TTYH3: variants seen among roughly 807,000 people sequenced by gnomAD.
TTYH3 encodes the protein protein tweety homolog 3.
TTYH3 carries 23 observed loss-of-function variants against 68.2 expected under a neutral mutation model. The ratio of observed to expected loss-of-function variants is 0.34; its 90% CI spans 0.24 to 0.48. The LOEUF (loss-of-function observed/expected upper bound fraction) is 0.48, where lower values mean the gene tolerates loss of function less well. Ranked by LOEUF, TTYH3 falls within the 20% of genes least tolerant of loss-of-function variation. The probability of loss-of-function intolerance (pLI) is 0.99; values close to 1 mark genes in which losing one functional copy is unlikely to be tolerated. For synonymous variants in TTYH3, 360 were observed against 332.8 expected (o/e 1.08, Z -0.89); for missense variants, 768 against 727.7 (o/e 1.06, Z -0.64).
At chr7:2,648,966 GTGGGGTGTGGGGCCTGCAC>G (rs1286829642) in intron 5 of TTYH3, among the ~76,000 whole-genome samples, 1 of 151,014 alleles carries the variant, frequency 6.6e-6, no homozygotes, top group Non-Finnish European at 1.5e-5. Flanking sequence ...GGGGCCCGCA[GTGGGGTGTGGGGCCTGCAC>G]TGGGGTGTGT....
At chr7:2,635,019 G>T (rs992803817) in intron 1 of TTYH3, among the ~76,000 whole-genome samples, 3 of 152,122 alleles carry the variant, frequency 2.0e-5, no homozygotes, top group African/African-American at 7.2e-5. Context: ...TCTGGGGTCG[G>T]CTCTGTGCAG....
At position 2,652,995 on chromosome 7, in the gene TTYH3, G is replaced by A. The variant is rs922437879; in HGVS notation, c.1005G>A (p.Glu335=). ...VAELLRTVPW[E]QPATKDPLLR... ...AGCTTCTGAGGACCGTCCCCTGGGA[G>A]CAGCCGGCCACTAAGGTGAGGGGCT... Residue 335 remains glutamate (E), a synonymous_variant, in exon 9 of 14, where the codon GAG becomes GAA. Coordinates refer to ENST00000258796, the MANE Select transcript of TTYH3 (RefSeq NM_025250.3). 3.2e-6 allele frequency: 5 copies of A among 1,571,992 alleles called. No homozygotes were observed. The highest frequency in any genetic ancestry group is 1.9e-5 in the Admixed American group (1 of 52,008).
At position 2,647,409 on chromosome 7, in the gene TTYH3, C is replaced by T; in HGVS notation, c.406-9C>T. ...CGCTCCCAGCCTCACGCCCGCGGGT[C>T]CGGCGCAGGTGTGGGACACGGCGGT... is the stretch of plus-strand genomic sequence containing the variant. On this transcript the variant is annotated splice_polypyrimidine_tract_variant and intron_variant, in intron 3 of 13. Transcript: ENST00000258796. 1.3e-6 allele frequency: 2 copies of T among 1,485,852 alleles called. No individual in the cohort carries two copies. Among genetic ancestry groups the T allele is most frequent in the East Asian group, 2.5e-5 (1 of 39,848 alleles). The allele number at this position is 1,485,852 out of a possible 1,614,324, so 92.0% of individuals were successfully genotyped here. A position where few individuals can be genotyped will look rare whatever the true frequency, so the allele number is the denominator to read the frequency against.
Position 2,643,897 on chromosome 7 carries a change from C to T in TTYH3, c.124-2956C>T, listed in dbSNP as rs1358457086. Among the ~76,000 whole-genome samples the T allele has an allele frequency of 2.0e-5, 3 of 152,292 alleles. No individual in the cohort carries two copies. In the South Asian group the frequency reaches 6.2e-4, roughly 32 times the overall value. On this transcript the variant is annotated intron_variant, in intron 1 of 13. Coordinates refer to ENST00000258796, the MANE Select transcript of TTYH3 (RefSeq NM_025250.3). Reference sequence around the variant, plus strand: ...CCTCACCCCAGGAGGAGTTTCCCTGCGAGGCTGTGAGTCCCAGATGTGGGG... The same window carrying T: ...CCTCACCCCAGGAGGAGTTTCCCTGTGAGGCTGTGAGTCCCAGATGTGGGG...
At chr7:2,650,684 GTC>G (rs1343919107) in intron 7 of TTYH3, among the ~76,000 whole-genome samples, 3 of 152,058 alleles carry the variant, frequency 2.0e-5, no homozygotes, top group African/African-American at 4.8e-5. Flanking sequence ...GTGGGGCTGA[GTC>G]TCTGTGGCAA....
rs763590738 is a variant in TTYH3 at position 2,658,313 on chromosome 7, G to T, written c.1278G>T (p.Glu426Asp). The T allele has an allele frequency of 1.3e-6, 2 of 1,596,868 alleles. No homozygotes were observed. The highest frequency in any genetic ancestry group is 2.3e-5 in the East Asian group (1 of 44,324). Residue 426 changes from glutamate to aspartate, a missense_variant, in exon 12 of 14, where the codon GAG becomes GAT. Physicochemically the swap from Glu to Asp is conservative, Grantham distance 45. Transcript: ENST00000258796. ...KRGPDEDGEE[E>D]AAPGPRQAHD... Reference sequence around the variant, plus strand: ...GCCCTGATGAGGACGGGGAGGAGGAGGCCGCTCCAGGGCCGCGGCAGGCGC... The same window carrying T: ...GCCCTGATGAGGACGGGGAGGAGGATGCCGCTCCAGGGCCGCGGCAGGCGC...
intron 1 of TTYH3, among the ~76,000 whole-genome samples, 194 bp downstream of exon 1, chr7:2,632,472 T>C (rs1785548333): frequency 6.6e-6 from 1 of 151,850 alleles, no homozygotes. Context: ...GGACCCTTTC[T>C]TCCAGGGTCA....
At chr7:2,653,831 C>T (rs972877287) in intron 9 of TTYH3, among the ~76,000 whole-genome samples, 15 of 152,286 alleles carry the variant, frequency 9.8e-5, no homozygotes, top group Non-Finnish European at 7.3e-5. Context: ...CCACTGCACT[C>T]CAGCCTGGGC....
At chr7:2,661,619 G>C in intron 13 of TTYH3, 49 bp from the exon 14 acceptor site, 1 of 1,578,082 alleles carries the variant, frequency 6.3e-7, no homozygotes, top group Non-Finnish European at 8.7e-7. Context: ...CCCTGGCTGC[G>C]TGCGCCATGC....
At chr7:2,635,603 T>C (rs1785636984) in intron 1 of TTYH3, among the ~76,000 whole-genome samples, 1 of 152,136 alleles carries the variant, frequency 6.6e-6, no homozygotes, top group Admixed American at 6.5e-5. Context: ...GGAGGTGGTG[T>C]TAACTGGCTT....
rs1347535256 is a variant in TTYH3, at chr7:2,647,502, C to T, written c.490C>T (p.Pro164Ser). The T allele has an allele frequency of 6.5e-7, 1 of 1,540,574 alleles. No homozygotes were observed. ...LERQLAGRPE[P>S]LRAVQRLQGL... Reference sequence around the variant, plus strand: ...GCGGCAGCTGGCCGGGCGGCCCGAGCCCCTGCGAGCCGTACAGAGGCTGCA... The same window carrying T: ...GCGGCAGCTGGCCGGGCGGCCCGAGTCCCTGCGAGCCGTACAGAGGCTGCA... The change falls in exon 4 of 14, where the codon CCC (proline) becomes TCC (serine). Residue 164 changes from proline to serine, a missense_variant. Transcript: ENST00000258796.
intron 1 of TTYH3, 51 bp downstream of exon 1, chr7:2,632,329 C>T (rs1785544652): frequency 2.0e-6 from 3 of 1,485,224 alleles, no homozygotes; most frequent in African/African-American, 1.4e-5. Context: ...GGTCACGGCC[C>T]CCTCCTCTCC....
chr7:2,645,952 G>A lies in TTYH3; in HGVS notation c.124-901G>A. The A allele has an allele frequency of 2.3e-6, 1 of 429,860 alleles. No individual in the cohort carries two copies. The highest frequency in any genetic ancestry group is 4.8e-6 in the Non-Finnish European group (1 of 206,800). 26.6% of individuals were successfully genotyped at this position (429,860 alleles called of 1,614,324 possible). The stretch of plus-strand genomic sequence containing the variant: ...GTCCTGGGGCTGTCTCGGGCTGGGG[G>A]TGAGGACAGTAGCTGATGCCGGCAG... On this transcript the variant is annotated intron_variant, in intron 1 of 13. Transcript: ENST00000258796. The surrounding 1 kb of genome is among the most constrained non-coding windows in gnomAD (Gnocchi z 4.8).
chr7:2,653,174 C>T (rs1439193464), intron 9 of TTYH3, among the ~76,000 whole-genome samples, 164 bp downstream of exon 9: 2 of 152,170 alleles, frequency 1.3e-5, no homozygotes, highest in South Asian at 2.1e-4. Context: ...TTCCTCTTCC[C>T]TCCCCCAGCC....
intron 11 of TTYH3, among the ~76,000 whole-genome samples, chr7:2,656,842 C>G (rs1387578480): frequency 6.6e-6 from 1 of 152,260 alleles, no homozygotes; most frequent in Admixed American, 6.5e-5. Flanking sequence ...GCCCTATGCC[C>G]TGAGAGCTGG....
chr7:2,652,277 A>G lies in TTYH3; in HGVS notation c.927+35A>G, dbSNP rs1786203717. ...TGGGAGGCCGGGACTGGGCTTCAGG[A>G]GAGTCTGAAGCACATTGCTGTGTGT... On this transcript the variant is annotated intron_variant, in intron 8 of 13. Coordinates refer to ENST00000258796, the MANE Select transcript of TTYH3 (RefSeq NM_025250.3). 1.9e-6 allele frequency: 3 copies of G among 1,592,240 alleles called. No homozygotes were observed. In the African/African-American group the frequency reaches 4.0e-5, roughly 21 times the overall value.
intron 7 of TTYH3, among the ~76,000 whole-genome samples, 170 bp downstream of exon 7, chr7:2,650,158 G>C (rs1786127552): frequency 6.6e-6 from 1 of 152,246 alleles, no homozygotes; most frequent in African/African-American, 2.4e-5. Context: ...TTCCCAAGTG[G>C]GAGGCTCTGC....
intron 13 of TTYH3, chr7:2,659,871 A>T: frequency 7.9e-7 from 1 of 1,267,506 alleles, no homozygotes; most frequent in Non-Finnish European, 1.0e-6. Flanking sequence ...CTGGCCCCAC[A>T]CCCTGGCGTT....
chr7:2,655,069 C>G (rs1158130748), intron 9 of TTYH3, among the ~76,000 whole-genome samples: 1 of 152,220 alleles, frequency 6.6e-6, no homozygotes, highest in Non-Finnish European at 1.5e-5. Flanking sequence ...CCTGGGGGTT[C>G]AGACCGCAAC....
Sources: allele counts gnomAD v4.1 joint callset (sites outside exome capture counted in the v4.1 genomes callset), GRCh38; gene constraint gnomAD v4.1.1; non-coding constraint Gnocchi (gnomAD v3.1); transcripts MANE v1.5; gene names NCBI Gene and HGNC (gene_info 2026-07-23, HGNC 2026-07-21).